SLC1A3: variants seen among roughly 807,000 people sequenced by gnomAD.
SLC1A3 encodes excitatory amino acid transporter 1.
A neutral mutation model predicts 48.1 loss-of-function variants in SLC1A3; 21 were observed. The observed-to-expected ratio is 0.44, with a 90% CI of 0.31 to 0.63. The LOEUF (loss-of-function observed/expected upper bound fraction) is 0.63. Among genes scored for constraint, SLC1A3 ranks in the 20% least tolerant of loss-of-function variants. The pLI, the probability that SLC1A3 is intolerant of heterozygous loss-of-function variation, is 0.08. For missense variants in SLC1A3, 546 were observed against 689.0 expected (o/e 0.79, Z 2.32); for synonymous variants, 239 against 251.4 (o/e 0.95, Z 0.47).
At chr5:36,676,367 A>G (rs541752840) in intron 5 of SLC1A3, among the ~76,000 whole-genome samples, 1 of 152,306 alleles carries the variant, frequency 6.6e-6, no homozygotes, top group East Asian at 1.9e-4. Context: ...GATTATCACA[A>G]CAACACTGTG....
chr5:36,625,470 G>A (rs1445352938), intron 2 of SLC1A3, among the ~76,000 whole-genome samples: 2 of 152,010 alleles, frequency 1.3e-5, no homozygotes, highest in African/African-American at 4.8e-5. Flanking sequence ...AAAATAAAAA[G>A]AAAATAAAAT....
Position 36,606,766 on chromosome 5 carries a change from T to C in SLC1A3, c.-96+31T>C, listed in dbSNP as rs79833823. The C allele has an allele frequency of 8.6e-3, 1,312 of 152,326 alleles. 20 individuals are homozygous for C. Among genetic ancestry groups the C allele is most frequent in the East Asian group, 0.049 (252 of 5,170 alleles). 9.4% of individuals were successfully genotyped at this position (152,326 alleles called of 1,614,324 possible). ...TGTCACATTCTGTGTTCCTGCTGGG[T>C]TTAATTTCTCCTTTCACTTCTCTGC... On this transcript the variant is annotated intron_variant, in intron 1 of 9. Coordinates refer to ENST00000265113, the MANE Select transcript of SLC1A3 (RefSeq NM_004172.5).
intron 2 of SLC1A3, among the ~76,000 whole-genome samples, chr5:36,615,518 C>T (rs577558482): frequency 6.6e-5 from 10 of 152,166 alleles, no homozygotes; most frequent in Non-Finnish European, 1.5e-4. Flanking sequence ...CTCTTGAGGG[C>T]CCCTGGCTCT....
intron 3 of SLC1A3, among the ~76,000 whole-genome samples, chr5:36,642,971 T>A (rs1740679564): frequency 6.6e-6 from 1 of 152,252 alleles, no homozygotes; most frequent in Non-Finnish European, 1.5e-5. Context: ...GTCCATATAA[T>A]GGAATACTAC....
intron 2 of SLC1A3, among the ~76,000 whole-genome samples, chr5:36,617,677 C>T (rs1456437271): frequency 2.0e-5 from 3 of 151,998 alleles, no homozygotes; most frequent in Non-Finnish European, 4.4e-5. Context: ...GCCCACTTTT[C>T]ACCTTGCTTT....
intron 3 of SLC1A3, among the ~76,000 whole-genome samples, chr5:36,659,595 C>T (rs1271175910): frequency 6.6e-6 from 1 of 152,206 alleles, no homozygotes; most frequent in Non-Finnish European, 1.5e-5. Context: ...AGCCAAGCAG[C>T]CCTGGAGTTC....
Position 36,608,528 on chromosome 5 carries a change from C to T in SLC1A3, c.105C>T (p.Asn35=). 6.2e-7 allele frequency: 1 copy of T among 1,614,038 alleles called. No homozygotes were observed. The highest frequency in any genetic ancestry group is 2.2e-5 in the East Asian group (1 of 44,876). ...TTTTGGCCAAGAAGAAAGTGCAGAACATTACAAAGGAGGATGTTAAAAGTT... is the reference window on the plus strand; with the variant it reads ...TTTTGGCCAAGAAGAAAGTGCAGAATATTACAAAGGAGGATGTTAAAAGTT... ...RTLLAKKKVQ[N]ITKEDVKSYL... is the part of the protein sequence containing the mutation. Residue 35 remains asparagine, a synonymous_variant, in exon 2 of 10, where the codon AAC becomes AAT. Transcript: ENST00000265113.
chr5:36,638,959 C>T (rs1275800594), intron 3 of SLC1A3, among the ~76,000 whole-genome samples: 1 of 152,188 alleles, frequency 6.6e-6, no homozygotes, highest in Non-Finnish European at 1.5e-5. Context: ...AGTCACCGCG[C>T]CTGGCTAGTT....
Position 36,677,730 on chromosome 5 carries a change from A to G in SLC1A3, c.860+546A>G, listed in dbSNP as rs75889073. Among the ~76,000 whole-genome samples the G allele has an allele frequency of 3.0e-3, 463 of 152,338 alleles. 3 individuals carry two copies. Among genetic ancestry groups the G allele is most frequent in the African/African-American group, 0.01 (436 of 41,586 alleles). ...AGAAAGGCCTCTGAGGAGGTGACGT[A>G]CTTTGTTAAGACCTGAATGAACAGA... On this transcript the variant is annotated intron_variant, in intron 6 of 9. Coordinates refer to ENST00000265113, the MANE Select transcript of SLC1A3 (RefSeq NM_004172.5).
intron 3 of SLC1A3, among the ~76,000 whole-genome samples, chr5:36,650,494 T>A (rs1741016126): frequency 6.6e-6 from 1 of 152,374 alleles, no homozygotes; most frequent in East Asian, 1.9e-4. Context: ...GTTTGAAGGC[T>A]AGCTCTCACA....
At chr5:36,684,635 T>C (rs1345077334) in intron 9 of SLC1A3, among the ~76,000 whole-genome samples, 1 of 152,196 alleles carries the variant, frequency 6.6e-6, no homozygotes, top group Admixed American at 6.5e-5. Context: ...CCTTCCACTT[T>C]TGAAAATCTT....
intron 3 of SLC1A3, 112 bp downstream of exon 3, chr5:36,629,699 GAAA>G (rs199769251): frequency 2.7e-5 from 18 of 675,564 alleles, no homozygotes; most frequent in East Asian, 1.2e-4. Flanking sequence ...CTCTGTTCTA[GAAA>G]AAAAAAAAAA....
At chr5:36,677,510 A>T (rs148755875) in intron 6 of SLC1A3, among the ~76,000 whole-genome samples, 1 of 152,258 alleles carries the variant, frequency 6.6e-6, no homozygotes, top group Non-Finnish European at 1.5e-5. Flanking sequence ...TATGCTAAGC[A>T]TATAGTGCCA....
At chr5:36,673,883 G>C (rs902674457) in intron 4 of SLC1A3, among the ~76,000 whole-genome samples, 166 bp from the exon 5 acceptor site, 2 of 152,154 alleles carry the variant, frequency 1.3e-5, no homozygotes, top group African/African-American at 4.8e-5. Flanking sequence ...GCCACACTTA[G>C]GGAGGACCAT....
chr5:36,615,931 C>A (rs567074132), intron 2 of SLC1A3, among the ~76,000 whole-genome samples: 2 of 152,234 alleles, frequency 1.3e-5, no homozygotes, highest in African/African-American at 2.4e-5. Context: ...CGTGCAGTGG[C>A]TCACGCCTGT....
chr5:36,663,035 G>A (rs911064643), intron 3 of SLC1A3, among the ~76,000 whole-genome samples: 2 of 152,198 alleles, frequency 1.3e-5, no homozygotes, highest in South Asian at 2.1e-4. Context: ...CTCAAAGGAC[G>A]ACTGTAGCCA....
At chr5:36,654,035 G>A (rs1684691514) in intron 3 of SLC1A3, among the ~76,000 whole-genome samples, 1 of 152,096 alleles carries the variant, frequency 6.6e-6, no homozygotes, top group African/African-American at 2.4e-5. Context: ...GTAGAGACAG[G>A]GTTTTGCCAT....
chr5:36,635,523 CG>C (rs1740305068), intron 3 of SLC1A3, among the ~76,000 whole-genome samples: 1 of 152,176 alleles, frequency 6.6e-6, no homozygotes, highest in African/African-American at 2.4e-5. Flanking sequence ...AAAATTAATC[CG>C]GTAACAACAT....
intron 2 of SLC1A3, among the ~76,000 whole-genome samples, chr5:36,627,448 G>A (rs1739954435): frequency 6.6e-6 from 1 of 151,920 alleles, no homozygotes; most frequent in Admixed American, 6.6e-5. Context: ...ATGGATTCAG[G>A]TAGTCGTATC....
Sources: allele counts gnomAD v4.1 joint callset (sites outside exome capture counted in the v4.1 genomes callset), GRCh38; gene constraint gnomAD v4.1.1; transcripts MANE v1.5; gene names NCBI Gene and HGNC (gene_info 2026-07-23, HGNC 2026-07-21).